The following MSANTD7 variants were observed in gnomAD, a reference collection of about 807,000 sequenced individuals.
The protein encoded by MSANTD7 is zinc finger and SCAN domain containing 29.
the MSANTD7 span, chr10:14,845,081 T>G: frequency 1.0e-6 from 1 of 985,374 alleles, no homozygotes; most frequent in Non-Finnish European, 1.2e-6. Context: ...AATAGATGAC[T>G]CCTTTTAAGC....
At chr10:14,843,646 A>G in the MSANTD7 span, 8 of 1,549,820 alleles carry the variant, frequency 5.2e-6, no homozygotes, top group Admixed American at 3.9e-5. Flanking sequence ...GGCCAGGACT[A>G]TCGCAGCCGA....
chr10:14,839,844 C>A, the MSANTD7 span: 2 of 1,237,846 alleles, frequency 1.6e-6, no homozygotes, highest in Non-Finnish European at 2.3e-6. Context: ...AACACTGGTG[C>A]ACAAATGCAC....
At chr10:14,844,593 CCTT>C in the MSANTD7 span, 5 of 985,420 alleles carry the variant, frequency 5.1e-6, no homozygotes, top group Non-Finnish European at 6.0e-6. Context: ...GTCTTTCTCT[CCTT>C]CATTTTACTG....
chr10:14,846,979 T>TA, the MSANTD7 span: 1 of 985,418 alleles, frequency 1.0e-6, no homozygotes, highest in Non-Finnish European at 1.2e-6. Flanking sequence ...TGTGGACAAA[T>TA]AAAGTTTTCA....
At chr10:14,844,692 T>C in the MSANTD7 span, 6 of 972,230 alleles carry the variant, frequency 6.2e-6, no homozygotes, top group Non-Finnish European at 6.1e-6. Flanking sequence ...TAATCTTCAA[T>C]ATAAAATACT....
At chr10:14,838,859 C>T in the MSANTD7 span, among the ~76,000 whole-genome samples, 4 of 152,040 alleles carry the variant, frequency 2.6e-5, no homozygotes, top group South Asian at 4.2e-4. Context: ...GACGTCCTGG[C>T]CTCTGGATGC....
At chr10:14,841,222 T>C in the MSANTD7 span, 2 of 152,186 alleles carry the variant, frequency 1.3e-5, no homozygotes, top group African/African-American at 2.4e-5. Context: ...CAATATTCAG[T>C]GACAATAAAT....
chr10:14,840,769 T>C, the MSANTD7 span, among the ~76,000 whole-genome samples: 1 of 152,264 alleles, frequency 6.6e-6, no homozygotes, highest in East Asian at 1.9e-4. Flanking sequence ...GTTTTCATTT[T>C]CACTACTGTA....
the MSANTD7 span, among the ~76,000 whole-genome samples, chr10:14,841,847 A>G: frequency 6.6e-6 from 1 of 152,164 alleles, no homozygotes; most frequent in South Asian, 2.1e-4. Context: ...TAGCTGCCTC[A>G]TGGTCCAGGT....
chr10:14,843,342 CTT>C, the MSANTD7 span: 1 of 1,550,410 alleles, frequency 6.4e-7, no homozygotes, highest in South Asian at 1.2e-5. Context: ...GGAATGTTCT[CTT>C]TGCAACATTG....
At chr10:14,843,859 T>C in the MSANTD7 span, 13 of 1,536,224 alleles carry the variant, frequency 8.5e-6, no homozygotes, top group South Asian at 7.1e-5. Flanking sequence ...CCTTGAAAAA[T>C]TGCTTCAGAG....
chr10:14,842,333 A>G, the MSANTD7 span: 8 of 1,535,876 alleles, frequency 5.2e-6, no homozygotes, highest in Non-Finnish European at 7.0e-6. The surrounding 1 kb of genome is among the most constrained non-coding windows in gnomAD (Gnocchi z 5.2). Context: ...CAGACAGGAG[A>G]CACGAACTCT....
At chr10:14,842,873 G>T in the MSANTD7 span, 1 of 1,429,002 alleles carries the variant, frequency 7.0e-7, no homozygotes, top group South Asian at 1.3e-5. This position sits in a 1 kb window ranked among gnomAD's most constrained non-coding sequence, Gnocchi z 5.2. Flanking sequence ...TGAAGGAGTT[G>T]GGTCCCAGAG....
At chr10:14,842,529 C>G in the MSANTD7 span, 1 of 1,536,188 alleles carries the variant, frequency 6.5e-7, no homozygotes, top group South Asian at 1.2e-5. The surrounding 1 kb of genome is among the most constrained non-coding windows in gnomAD (Gnocchi z 5.2). Context: ...GCCCATGCCA[C>G]AAGTATGGGT....
chr10:14,840,590 G>C, the MSANTD7 span, among the ~76,000 whole-genome samples: 1 of 152,206 alleles, frequency 6.6e-6, no homozygotes, highest in Admixed American at 6.5e-5. Context: ...TTCTGGGAAC[G>C]AACTTTTCCA....
chr10:14,843,274 A>T, the MSANTD7 span: 1 of 1,446,066 alleles, frequency 6.9e-7, no homozygotes, highest in South Asian at 1.2e-5. Flanking sequence ...TTCCAGGAAC[A>T]ACCATAGTTT....
chr10:14,839,163 A>C, the MSANTD7 span, among the ~76,000 whole-genome samples: 5 of 152,204 alleles, frequency 3.3e-5, no homozygotes, highest in Non-Finnish European at 5.9e-5. Flanking sequence ...TTCTCTCATC[A>C]GTGGGGAGGC....
chr10:14,839,094 G>A, the MSANTD7 span, among the ~76,000 whole-genome samples: 1 of 152,208 alleles, frequency 6.6e-6, no homozygotes, highest in African/African-American at 2.4e-5. Flanking sequence ...CCAGTTGATG[G>A]TGCGTGGTCT....
the MSANTD7 span, chr10:14,846,951 T>C: frequency 1.0e-6 from 1 of 985,444 alleles, no homozygotes; most frequent in Non-Finnish European, 1.2e-6. Flanking sequence ...CCTTTGTTTT[T>C]CTGTTCGGTA....
Sources: gnomAD v4.1 joint callset for allele counts (sites outside exome capture counted in the v4.1 genomes callset) on GRCh38, gnomAD v4.1.1 for gene constraint, Gnocchi (gnomAD v3.1) non-coding constraint, MANE v1.5 for transcripts, NCBI Gene and HGNC (gene_info 2026-07-23, HGNC 2026-07-21) for gene names.